Variants in UNC13B observed in about 807,000 individuals in gnomAD.
UNC13B encodes the protein protein unc-13 homolog B.
Under a neutral mutation model 211.0 loss-of-function variants are expected in UNC13B, and 144 were observed. The ratio of observed to expected loss-of-function variants is 0.68; its 90% CI spans 0.60 to 0.78. The LOEUF (loss-of-function observed/expected upper bound fraction) is 0.78. UNC13B is among the 30% of genes least tolerant of loss of function. The pLI is 0.00. For missense variants in UNC13B, 1,777 were observed against 2,002.0 expected, an observed-to-expected ratio of 0.89 and a Z score of 2.14; for synonymous variants, 709 against 725.8, an observed-to-expected ratio of 0.98 and a Z score of 0.37.
In UNC13B at chr9:35,382,436, G is replaced by A. The variant is rs765822778; in HGVS notation, c.10735G>A (p.Ala3579Thr). 3.1e-6 allele frequency: 5 copies of A among 1,614,090 alleles called. No homozygotes were observed. Among genetic ancestry groups the A allele is most frequent in the South Asian group, 1.1e-5 (1 of 91,082 alleles). The change falls in exon 21 of 40, where the codon GCC becomes ACC. Residue 3579 changes from alanine to threonine, a missense_variant. Transcript: ENST00000635942. ...GAGCACCTTACTGGCCAACATCAAC[G>A]CCTACTATGCCCACACAACTGCCTC... is the stretch of plus-strand genomic sequence containing the variant. The part of the protein sequence containing the change: ...VMSTLLANIN[A>T]YYAHTTASTN...
chr9:35,344,685 G>C (rs957831622), intron 11 of UNC13B, among the ~76,000 whole-genome samples: 2 of 152,128 alleles, frequency 1.3e-5, no homozygotes, highest in African/African-American at 4.8e-5. Context: ...TCTAGGTCAA[G>C]GGTAGTAGGG....
chr9:35,353,616 A>G, intron 11 of UNC13B: 1 of 1,232,108 alleles, frequency 8.1e-7, no homozygotes. Context: ...CTGGGAAGTG[A>G]GACTTGTTCC....
intron 1 of UNC13B, among the ~76,000 whole-genome samples, chr9:35,192,598 A>G (rs1432555588): frequency 6.6e-6 from 1 of 152,198 alleles, no homozygotes; most frequent in Non-Finnish European, 1.5e-5. Flanking sequence ...CCCCTGAATA[A>G]GGGGGATCCT....
intron 7 of UNC13B, among the ~76,000 whole-genome samples, chr9:35,294,940 C>T (rs1169894623): frequency 6.6e-6 from 1 of 152,200 alleles, no homozygotes; most frequent in Non-Finnish European, 1.5e-5. Context: ...ATTGTAGTCA[C>T]TGCTGTTGGA....
At chr9:35,332,172 A>G (rs1044286452) in intron 11 of UNC13B, among the ~76,000 whole-genome samples, 3 of 152,070 alleles carry the variant, frequency 2.0e-5, no homozygotes, top group African/African-American at 7.2e-5. Flanking sequence ...TTTAGTACAG[A>G]TGGGGATTCA....
intron 6 of UNC13B, among the ~76,000 whole-genome samples, chr9:35,255,502 T>C (rs1178152322): frequency 6.6e-6 from 1 of 152,124 alleles, no homozygotes; most frequent in African/African-American, 2.4e-5. Flanking sequence ...ATCAGTCTCC[T>C]GGAGCATTCG....
intron 2 of UNC13B, 28 bp downstream of exon 2, chr9:35,228,072 T>C: frequency 6.3e-7 from 1 of 1,595,516 alleles, no homozygotes; most frequent in East Asian, 2.2e-5. Flanking sequence ...TTATGTCTTT[T>C]CCTCTTGTAT....
At chr9:35,195,943 A>G (rs1213610989) in intron 1 of UNC13B, among the ~76,000 whole-genome samples, 1 of 152,240 alleles carries the variant, frequency 6.6e-6, no homozygotes, top group Non-Finnish European at 1.5e-5. Flanking sequence ...TGAATATGCA[A>G]ATTAATTATT....
Position 35,222,597 on chromosome 9 carries a change from C to T in UNC13B, c.23-5418C>T, listed in dbSNP as rs540335022. On this transcript the variant is annotated intron_variant, in intron 1 of 39. Coordinates refer to ENST00000635942, the MANE Select transcript of UNC13B (RefSeq NM_001371189.2). ...ATTTTTTGGATACATAATAACTGTA[C>T]GTATTTATGAGGTACATGTGATATT... Among the ~76,000 whole-genome samples, 5 of 152,168 alleles carry T rather than the reference C, an allele frequency of 3.3e-5. No homozygotes were observed. In the South Asian group the frequency reaches 1.0e-3, roughly 32 times the overall value.
intron 5 of UNC13B, among the ~76,000 whole-genome samples, chr9:35,242,349 A>G (rs1417262578): frequency 6.6e-6 from 1 of 152,176 alleles, no homozygotes; most frequent in Non-Finnish European, 1.5e-5. Context: ...TGTACAGTTC[A>G]CTAGTGTTAA....
intron 14 of UNC13B, among the ~76,000 whole-genome samples, chr9:35,375,650 C>T (rs571253255): frequency 2.6e-5 from 4 of 152,274 alleles, no homozygotes; most frequent in Admixed American, 1.3e-4. Context: ...CTGATTGTCC[C>T]ACAGGGTCTC....
At chr9:35,211,776 T>C (rs1398877078) in intron 1 of UNC13B, among the ~76,000 whole-genome samples, 1 of 152,244 alleles carries the variant, frequency 6.6e-6, no homozygotes, top group African/African-American at 2.4e-5. Context: ...AGCAGTATTA[T>C]TAAAGATTGT....
chr9:35,370,442 T>TC lies in UNC13B; in HGVS notation c.9540+51dup, dbSNP rs758952172. On this transcript the variant is annotated intron_variant, in intron 13 of 39. Coordinates refer to ENST00000635942, the MANE Select transcript of UNC13B (RefSeq NM_001371189.2). ...AGGCATAGGCAGTAGCCTTGGGGTA[T>TC]CCCCCATTGGGCCTTGGCAAGCTGT... The TC allele has an allele frequency of 3.8e-6, 6 of 1,579,782 alleles. No individual in the cohort carries two copies. The East Asian group carries it at 1.3e-4, about 35-fold the overall frequency.
At chr9:35,261,305 C>T (rs1442888867) in intron 7 of UNC13B, among the ~76,000 whole-genome samples, 1 of 152,022 alleles carries the variant, frequency 6.6e-6, no homozygotes, top group African/African-American at 2.4e-5. Flanking sequence ...AACACATCAG[C>T]GTGTTTCTGC....
chr9:35,297,096 T>TG (rs1829399494), intron 8 of UNC13B, among the ~76,000 whole-genome samples: 1 of 150,084 alleles, frequency 6.7e-6, no homozygotes, highest in Non-Finnish European at 1.5e-5. Context: ...GAAGCTTTTT[T>TG]TTTTTTTTTT....
At chr9:35,369,193 T>G (rs1378796844) in intron 12 of UNC13B, among the ~76,000 whole-genome samples, 1 of 152,210 alleles carries the variant, frequency 6.6e-6, no homozygotes, top group Non-Finnish European at 1.5e-5. Context: ...TGTGGTTCCA[T>G]TCTTTGCCTA....
chr9:35,237,565 T>G, intron 4 of UNC13B, 138 bp from the exon 5 acceptor site: 1 of 1,012,226 alleles, frequency 9.9e-7, no homozygotes, highest in Non-Finnish European at 1.5e-6. Context: ...CAGGTGGTGA[T>G]AGTGGTGTGT....
At chr9:35,343,792 T>C (rs1236824460) in intron 11 of UNC13B, among the ~76,000 whole-genome samples, 2 of 152,040 alleles carry the variant, frequency 1.3e-5, no homozygotes, top group Non-Finnish European at 2.9e-5. Flanking sequence ...CACATGTGAC[T>C]GCTGAGTACT....
rs185547770 is a variant in UNC13B, at chr9:35,266,616, G to A, written c.526+7566G>A. Among the ~76,000 whole-genome samples, 469 of 152,292 alleles carry A rather than the reference G, an allele frequency of 3.1e-3. 4 individuals carry two copies. Among genetic ancestry groups the A allele is most frequent in the South Asian group, 0.025 (122 of 4,822 alleles). ...CAGTTATTTGGATATACTCTTAAAGGTGATGGGATTCTTTAAAAGTATTGA... is the reference window on the plus strand; with the variant it reads ...CAGTTATTTGGATATACTCTTAAAGATGATGGGATTCTTTAAAAGTATTGA... On this transcript the variant is annotated intron_variant, in intron 7 of 39. Coordinates refer to ENST00000635942, the MANE Select transcript of UNC13B (RefSeq NM_001371189.2).
Sources: allele counts gnomAD v4.1 joint callset (sites outside exome capture counted in the v4.1 genomes callset), GRCh38; gene constraint gnomAD v4.1.1; transcripts MANE v1.5; gene names NCBI Gene and HGNC (gene_info 2026-07-23, HGNC 2026-07-21).